Variants in GRM4 observed in about 807,000 individuals in gnomAD.
The protein encoded by GRM4 is glutamate metabotropic receptor 4, also known as metabotropic glutamate receptor 4.
In GRM4, 28 loss-of-function variants were observed where a neutral mutation model predicts 81.7. That is an observed-to-expected ratio of 0.34 (90% CI 0.25 to 0.47). The LOEUF is 0.47. GRM4 is among the 20% of genes least tolerant of loss of function. The probability of loss-of-function intolerance (pLI) is 1.00; values close to 1 mark genes in which losing one functional copy is unlikely to be tolerated. For missense variants in GRM4, 948 were observed against 1,290.0 expected (o/e 0.73, Z 4.06); for synonymous variants, 488 against 528.8 (o/e 0.92, Z 1.06).
intron 1 of GRM4, among the ~76,000 whole-genome samples, chr6:34,135,346 G>C (rs1284759862): frequency 6.6e-6 from 1 of 152,148 alleles, no homozygotes; most frequent in Non-Finnish European, 1.5e-5. Flanking sequence ...TCCTCAAAAT[G>C]CTCCCTTCAT....
chr6:34,104,694 A>T (rs1170163397), intron 2 of GRM4, among the ~76,000 whole-genome samples: 1 of 152,144 alleles, frequency 6.6e-6, no homozygotes, highest in Non-Finnish European at 1.5e-5. Flanking sequence ...AGCAGCCAGG[A>T]TGGGGAGCTG....
chr6:34,149,695 A>T (rs539170488), upstream of GRM4, among the ~76,000 whole-genome samples: 7 of 152,282 alleles, frequency 4.6e-5, no homozygotes, highest in African/African-American at 1.7e-4. Context: ...TGGCTAGGGG[A>T]CAGAGCCCTG....
chr6:34,145,994 A>G lies in GRM4; in HGVS notation c.-364+6T>C. The stretch of plus-strand genomic sequence containing the variant: ...CTCCTCCCCGTGCGCGTGCCAGCTC[A>G]CCTACCCCGAGGACATGGCGGGGAC... On this transcript the variant is annotated splice_donor_region_variant and intron_variant, in intron 1 of 10. Coordinates refer to ENST00000538487, the MANE Select transcript of GRM4 (RefSeq NM_000841.4). The G allele has an allele frequency of 1.0e-6, 1 of 982,576 alleles. No homozygotes were observed. Among genetic ancestry groups the G allele is most frequent in the Non-Finnish European group, 1.2e-6 (1 of 829,474 alleles). The allele number at this position is 982,576 out of a possible 1,614,324, so 60.9% of individuals were successfully genotyped here. A position where few individuals can be genotyped will look rare whatever the true frequency, so the allele number is the denominator to read the frequency against.
At chr6:34,154,869 G>T (rs1020212722) in intron 1 of GRM4, among the ~76,000 whole-genome samples, 1 of 152,204 alleles carries the variant, frequency 6.6e-6, no homozygotes, top group Non-Finnish European at 1.5e-5. Flanking sequence ...ATTCCCGCGC[G>T]CCCGAGCGCG....
At chr6:34,054,978 C>T (rs1765799067) in intron 6 of GRM4, 1 of 152,206 alleles carries the variant, frequency 6.6e-6, no homozygotes, top group African/African-American at 2.4e-5. Context: ...TCTCACACCT[C>T]TATTGTGATT....
chr6:34,061,768 C>G, intron 4 of GRM4, 125 bp downstream of exon 4: 1 of 1,023,562 alleles, frequency 9.8e-7, no homozygotes. Flanking sequence ...CTCACCAGCA[C>G]CCACCTCTCT....
At chr6:34,098,248 C>T (rs1026950995) in intron 2 of GRM4, among the ~76,000 whole-genome samples, 3 of 152,216 alleles carry the variant, frequency 2.0e-5, no homozygotes, top group Admixed American at 2.0e-4. Flanking sequence ...TCACTGTGCC[C>T]ATTTTGTAGA....
At position 34,133,889 on chromosome 6, in the gene GRM4, CAA is replaced by C; in HGVS notation, c.-363-32_-363-31del. ...GAAGGGGAAGAGAGAGAGAGAATAT[CAA>C]ACAGAAGCCCAAAGAAGACATTAGC... On this transcript the variant is annotated intron_variant, in intron 1 of 10. Coordinates refer to ENST00000538487, the MANE Select transcript of GRM4 (RefSeq NM_000841.4). This position sits in a 1 kb window ranked among gnomAD's most constrained non-coding sequence, Gnocchi z 6.5. The C allele has an allele frequency of 1.5e-5, 15 of 987,228 alleles. No individual in the cohort carries two copies. Among genetic ancestry groups the C allele is most frequent in the Non-Finnish European group, 1.8e-5 (15 of 822,836 alleles). The allele number at this position is 987,228 out of a possible 1,614,324, so 61.2% of individuals were successfully genotyped here. A position where few individuals can be genotyped will look rare whatever the true frequency, so the allele number is the denominator to read the frequency against.
intron 2 of GRM4, among the ~76,000 whole-genome samples, chr6:34,132,360 C>T (rs1295664717): frequency 3.9e-5 from 6 of 152,160 alleles, no homozygotes; most frequent in Admixed American, 2.6e-4. Context: ...AGCAGCCCCA[C>T]ACCCCATCCA....
Position 34,022,732 on chromosome 6 carries a change from G to C in GRM4, c.*89C>G. On this transcript the variant is annotated 3_prime_UTR_variant, in exon 11 of 11. Coordinates refer to ENST00000538487, the MANE Select transcript of GRM4 (RefSeq NM_000841.4). This position sits in a 1 kb window ranked among gnomAD's most constrained non-coding sequence, Gnocchi z 5.6. ...TCCGTGGGTGCCCACGGGCAGGCAA[G>C]ACAGCTGGGCCCTTGGGTGTGGCCC... 1 of 1,211,872 alleles carries C rather than the reference G, an allele frequency of 8.3e-7. No individual in the cohort carries two copies. Among genetic ancestry groups the C allele is most frequent in the South Asian group, 1.2e-5 (1 of 82,296 alleles). The allele number at this position is 1,211,872 out of a possible 1,614,324, so 75.1% of individuals were successfully genotyped here. A position where few individuals can be genotyped will look rare whatever the true frequency, so the allele number is the denominator to read the frequency against.
In GRM4 at chr6:34,031,812, A is replaced by T. The variant is rs536183334; in HGVS notation, c.2443-3446T>A. On this transcript the variant is annotated intron_variant, in intron 9 of 10. Transcript: ENST00000538487. ...GTGACAGCACCTGAACCCTGGGGGA[A>T]CGGGTGCAGCTGAGCATGTGCAAGT... Among the ~76,000 whole-genome samples the T allele has an allele frequency of 5.1e-4, 77 of 152,306 alleles. 2 individuals are homozygous for T. The highest frequency in any genetic ancestry group is 4.9e-3 in the Admixed American group (75 of 15,308).
At chr6:34,143,452 G>A (rs992320539) in intron 1 of GRM4, among the ~76,000 whole-genome samples, 3 of 152,294 alleles carry the variant, frequency 2.0e-5, no homozygotes, top group South Asian at 4.1e-4. Flanking sequence ...CCAAGAAGAG[G>A]TGACGAGGCC....
chr6:34,028,505 C>T lies in GRM4; in HGVS notation c.2443-139G>A, dbSNP rs928247343. 8.3e-6 allele frequency: 7 copies of T among 840,428 alleles called. No individual in the cohort carries two copies. The African/African-American group carries it at 1.2e-4, about 14-fold the overall frequency. The allele number at this position is 840,428 out of a possible 1,614,324, so 52.1% of individuals were successfully genotyped here. On this transcript the variant is annotated intron_variant, in intron 9 of 10. Coordinates refer to ENST00000538487, the MANE Select transcript of GRM4 (RefSeq NM_000841.4). ...AAGTCGTGGCTTGGAGCTGGGACTGCAGACCAGGGTTTCTGCATTCAAATC... is the reference window on the plus strand; with the variant it reads ...AAGTCGTGGCTTGGAGCTGGGACTGTAGACCAGGGTTTCTGCATTCAAATC...
intron 1 of GRM4, among the ~76,000 whole-genome samples, chr6:34,144,119 G>A (rs369437013): frequency 5.1e-4 from 77 of 152,366 alleles, no homozygotes; most frequent in East Asian, 3.7e-3. Context: ...GTCTGAGGGC[G>A]GGATGTCACT....
intron 6 of GRM4, among the ~76,000 whole-genome samples, chr6:34,041,500 C>T (rs1368469894): frequency 1.3e-5 from 2 of 152,166 alleles, no homozygotes; most frequent in Non-Finnish European, 2.9e-5. Context: ...GTCTGACCTC[C>T]CATCCTCCTC....
At chr6:34,151,691 G>GC (rs1410270260) in intron 1 of GRM4, among the ~76,000 whole-genome samples, 1 of 150,854 alleles carries the variant, frequency 6.6e-6, no homozygotes, top group East Asian at 2.0e-4. Context: ...CCAACCTGGA[G>GC]CGCTGCCCAC....
intron 3 of GRM4, among the ~76,000 whole-genome samples, chr6:34,087,674 A>G (rs1266906552): frequency 6.7e-6 from 1 of 148,580 alleles, no homozygotes; most frequent in African/African-American, 2.5e-5. Flanking sequence ...CAGAAGGTCC[A>G]CACGTGCCCG....
chr6:34,105,026 C>T (rs1052848560), intron 2 of GRM4, among the ~76,000 whole-genome samples: 35 of 152,112 alleles, frequency 2.3e-4, no homozygotes, highest in African/African-American at 8.5e-4. Flanking sequence ...TGGGGCGTGG[C>T]CAGGCCGAGA....
In GRM4 at chr6:34,036,832, C is replaced by A. The variant is rs1211679852; in HGVS notation, c.1507-229G>T. ...TGACCTACAGGGAATCCTGACTGAA[C>A]CCGAAACTCTCAAGACTCATATGAA... is the stretch of plus-strand genomic sequence containing the variant. On this transcript the variant is annotated intron_variant, in intron 8 of 10. Coordinates refer to ENST00000538487, the MANE Select transcript of GRM4 (RefSeq NM_000841.4). This position sits in a 1 kb window ranked among gnomAD's most constrained non-coding sequence, Gnocchi z 9.0. Among the ~76,000 whole-genome samples, 4 of 152,288 alleles carry A rather than the reference C, an allele frequency of 2.6e-5. No individual in the cohort carries two copies. The East Asian group carries it at 5.8e-4, about 22-fold the overall frequency.
Sources: gnomAD v4.1 joint callset for allele counts (sites outside exome capture counted in the v4.1 genomes callset) on GRCh38, gnomAD v4.1.1 for gene constraint, Gnocchi (gnomAD v3.1) non-coding constraint, MANE v1.5 for transcripts, NCBI Gene and HGNC (gene_info 2026-07-23, HGNC 2026-07-21) for gene names.